Variants in ATRNL1 observed in about 807,000 individuals in gnomAD.
ATRNL1 encodes attractin-like protein 1.
In ATRNL1, 95 loss-of-function variants were observed where a neutral mutation model predicts 182.7. That is an observed-to-expected ratio of 0.52 (90% CI 0.44 to 0.62). The LOEUF is 0.62. ATRNL1 is among the 20% of genes least tolerant of loss of function. The pLI is 0.00. For synonymous variants in ATRNL1, 576 were observed against 568.3 expected (o/e 1.01, Z -0.19); for missense variants, 1,471 against 1,679.5 (o/e 0.88, Z 2.17).
At chr10:115,185,876 C>A (rs1018589412) in intron 8 of ATRNL1, among the ~76,000 whole-genome samples, 1 of 151,970 alleles carries the variant, frequency 6.6e-6, no homozygotes, top group African/African-American at 2.4e-5. Context: ...ATAATACCTA[C>A]AGAAAGAGAC....
chr10:115,269,042 G>A (rs1490935945), intron 13 of ATRNL1, among the ~76,000 whole-genome samples: 1 of 152,158 alleles, frequency 6.6e-6, no homozygotes, highest in Non-Finnish European at 1.5e-5. Context: ...ACATTCTACA[G>A]TTTGATAAGA....
At chr10:115,437,292 A>G (rs1308267510) in intron 21 of ATRNL1, among the ~76,000 whole-genome samples, 1 of 152,088 alleles carries the variant, frequency 6.6e-6, no homozygotes, top group Admixed American at 6.6e-5. Flanking sequence ...AACATGTAAG[A>G]TACGGTCTTT....
intron 26 of ATRNL1, among the ~76,000 whole-genome samples, chr10:115,611,342 T>G (rs2133965134): frequency 6.6e-6 from 1 of 152,262 alleles, no homozygotes. Context: ...TTATCTCGGG[T>G]TGTTTAGATT....
chr10:115,126,059 T>C (rs1329416497), intron 3 of ATRNL1, among the ~76,000 whole-genome samples: 4 of 151,026 alleles, frequency 2.6e-5, no homozygotes, highest in African/African-American at 9.9e-5. Context: ...CTATTCTTTT[T>C]TGTTTGTTTG....
intron 19 of ATRNL1, among the ~76,000 whole-genome samples, chr10:115,351,774 T>TTTTGTTTTGTTTGA (rs1554941438): frequency 2.3e-5 from 1 of 43,184 alleles, no homozygotes; most frequent in African/African-American, 5.6e-5. Context: ...GTTTTGTTTG[T>TTTTGTTTTGTTTGA]GTTTTTGTTT....
Position 115,246,852 on chromosome 10 carries a change from G to A in ATRNL1, c.1687+5127G>A, listed in dbSNP as rs1399386788. On this transcript the variant is annotated intron_variant, in intron 10 of 28. Coordinates refer to ENST00000355044, the MANE Select transcript of ATRNL1 (RefSeq NM_207303.4). ...TGGGATTACAGGCGTGAGCCACCGC[G>A]CCCGGCCATCTCTCTCATTCTTAAC... 5.3e-5 allele frequency among the ~76,000 whole-genome samples: 8 copies of A among 151,716 alleles called. No homozygotes were observed. The East Asian group carries it at 1.5e-3, about 29-fold the overall frequency.
intron 24 of ATRNL1, among the ~76,000 whole-genome samples, chr10:115,489,403 G>T (rs752801038): frequency 1.3e-5 from 2 of 152,078 alleles, no homozygotes; most frequent in African/African-American, 4.8e-5. Flanking sequence ...ATGAATCTGG[G>T]TGCTCCTGTA....
At chr10:115,165,330 A>T (rs1846988397) in intron 6 of ATRNL1, among the ~76,000 whole-genome samples, 1 of 152,074 alleles carries the variant, frequency 6.6e-6, no homozygotes, top group Admixed American at 6.6e-5. Flanking sequence ...TAATCAAGTT[A>T]ATGTATATTA....
At chr10:115,145,288 G>A (rs574055568) in intron 5 of ATRNL1, among the ~76,000 whole-genome samples, 1 of 152,200 alleles carries the variant, frequency 6.6e-6, no homozygotes, top group South Asian at 2.1e-4. Context: ...TCATCACTTT[G>A]CAATATTTTA....
At chr10:115,414,452 T>A (rs1465002945) in intron 20 of ATRNL1, among the ~76,000 whole-genome samples, 4 of 151,914 alleles carry the variant, frequency 2.6e-5, no homozygotes, top group African/African-American at 9.7e-5. Context: ...TCACTTGAAG[T>A]TTATTAGGCT....
rs139708735 is a variant in ATRNL1, at chr10:115,864,960, C to T, written c.4018+16969C>T. 6.4e-3 allele frequency among the ~76,000 whole-genome samples: 934 copies of T among 147,006 alleles called. 4 individuals are homozygous for T. The highest frequency in any genetic ancestry group is 9.3e-3 in the Non-Finnish European group (623 of 67,162). ...TGGTGCCATTGCACTCCAGCCTGGG[C>T]GACAGAGCGAGACTCCGTCTAAAAA... On this transcript the variant is annotated intron_variant, in intron 28 of 28. Coordinates refer to ENST00000355044, the MANE Select transcript of ATRNL1 (RefSeq NM_207303.4).
At chr10:115,503,858 T>G (rs535363390) in intron 24 of ATRNL1, among the ~76,000 whole-genome samples, 3 of 151,816 alleles carry the variant, frequency 2.0e-5, no homozygotes, top group Non-Finnish European at 4.4e-5. Context: ...TAAATTATTT[T>G]TCTTTAAGCT....
At chr10:115,364,403 C>T (rs1331559008) in intron 19 of ATRNL1, among the ~76,000 whole-genome samples, 2 of 143,854 alleles carry the variant, frequency 1.4e-5, no homozygotes, top group African/African-American at 2.6e-5. Flanking sequence ...TGCTTATCAG[C>T]TTAAGGAGAT....
intron 28 of ATRNL1, chr10:115,909,572 C>T (rs560255325): frequency 1.4e-5 from 2 of 144,904 alleles, no homozygotes; most frequent in East Asian, 4.0e-4. Flanking sequence ...CAGGACATGA[C>T]TTCAGGTTAG....
intron 28 of ATRNL1, among the ~76,000 whole-genome samples, chr10:115,859,169 A>C (rs1179891819): frequency 1.3e-5 from 2 of 152,056 alleles, no homozygotes; most frequent in African/African-American, 4.8e-5. Flanking sequence ...ACCTCCAAAT[A>C]CCATTATATT....
At chr10:115,471,871 T>G (rs1164839462) in intron 24 of ATRNL1, among the ~76,000 whole-genome samples, 2 of 151,158 alleles carry the variant, frequency 1.3e-5, no homozygotes, top group African/African-American at 2.4e-5. Flanking sequence ...CACTTGTTTA[T>G]TTTTGCTTTT....
intron 20 of ATRNL1, among the ~76,000 whole-genome samples, chr10:115,403,257 CTT>C (rs59256867): frequency 2.4e-3 from 253 of 107,416 alleles, no homozygotes; most frequent in Middle Eastern, 5.0e-3. Context: ...TTACTCTCAT[CTT>C]TTTTTTTTTT....
intron 28 of ATRNL1, among the ~76,000 whole-genome samples, chr10:115,890,466 G>T (rs1196030215): frequency 2.0e-5 from 3 of 152,086 alleles, no homozygotes; most frequent in African/African-American, 7.2e-5. Context: ...GTATAAAAGG[G>T]CCTTTATGTG....
chr10:115,621,272 T>TAG (rs1167604359), intron 26 of ATRNL1, among the ~76,000 whole-genome samples: 136 of 48,422 alleles, frequency 2.8e-3, no homozygotes, highest in African/African-American at 8.8e-3. Context: ...TATATATATA[T>TAG]ATATAGAGAG....
Sources: allele counts gnomAD v4.1 joint callset (sites outside exome capture counted in the v4.1 genomes callset), GRCh38; gene constraint gnomAD v4.1.1; transcripts MANE v1.5; gene names NCBI Gene and HGNC (gene_info 2026-07-23, HGNC 2026-07-21).